IQCH: variants seen among roughly 807,000 people sequenced by gnomAD.
The protein encoded by IQCH is IQ motif containing H, also known as IQ domain-containing protein H.
Under a neutral mutation model 117.0 loss-of-function variants are expected in IQCH, and 98 were observed. The observed-to-expected ratio is 0.84, with a 90% CI of 0.71 to 0.99. IQCH has a LOEUF of 0.99. Among genes scored for constraint, IQCH ranks in the 50% least tolerant of loss-of-function variants. The pLI, the probability that IQCH is intolerant of heterozygous loss-of-function variation, is 0.00. For missense variants in IQCH, 1,102 were observed against 1,243.8 expected, an observed-to-expected ratio of 0.89 and a Z score of 1.72; for synonymous variants, 412 against 448.2, an observed-to-expected ratio of 0.92 and a Z score of 1.02.
Position 67,409,815 on chromosome 15 carries a change from T to C in IQCH, c.2098-7116T>C, listed in dbSNP as rs531865217. Among the ~76,000 whole-genome samples the C allele has an allele frequency of 1.1e-4, 16 of 152,352 alleles. No individual in the cohort carries two copies. In the East Asian group the frequency reaches 2.7e-3, roughly 26 times the overall value. ...GTGTGCCTTGGTAATGTTGGCTGTT[T>C]TACATTATGTTACCTTCTACAGCAG... On this transcript the variant is annotated intron_variant, in intron 14 of 20. Coordinates refer to ENST00000335894, the MANE Select transcript of IQCH (RefSeq NM_001031715.3).
At chr15:67,316,562 A>G (rs1967855264) in intron 4 of IQCH, among the ~76,000 whole-genome samples, 1 of 152,216 alleles carries the variant, frequency 6.6e-6, no homozygotes, top group Non-Finnish European at 1.5e-5. Flanking sequence ...AATATAAATT[A>G]AAATTTAGCT....
At chr15:67,449,485 C>T (rs2082467781) in intron 16 of IQCH, among the ~76,000 whole-genome samples, 1 of 152,128 alleles carries the variant, frequency 6.6e-6, no homozygotes, top group Non-Finnish European at 1.5e-5. Flanking sequence ...ATAGGGAATC[C>T]TTTCCCCATT....
chr15:67,362,849 T>A (rs1275458775), intron 8 of IQCH, among the ~76,000 whole-genome samples: 2 of 152,248 alleles, frequency 1.3e-5, no homozygotes, highest in African/African-American at 2.4e-5. Context: ...AATGTATACT[T>A]TCAAAACCAC....
In IQCH at chr15:67,302,287, G is replaced by A. The variant is rs145203219; in HGVS notation, c.387+22775G>A. 6.8e-4 allele frequency among the ~76,000 whole-genome samples: 103 copies of A among 152,132 alleles called. 4 individuals are homozygous for A. In the East Asian group the frequency reaches 0.012, roughly 17 times the overall value. On this transcript the variant is annotated intron_variant, in intron 4 of 20. Transcript: ENST00000335894. The stretch of plus-strand genomic sequence containing the variant: ...CATATTAGCAATTTCCCAATCCTTG[G>A]TAGAATAGAAATTATTCTGAAAGTT...
intron 4 of IQCH, among the ~76,000 whole-genome samples, chr15:67,290,331 A>G (rs1966709451): frequency 6.6e-6 from 1 of 152,076 alleles, no homozygotes; most frequent in Admixed American, 6.6e-5. Flanking sequence ...CTGCATCTGT[A>G]ATAACTTTTT....
intron 8 of IQCH, among the ~76,000 whole-genome samples, chr15:67,362,031 C>G (rs4496076): frequency 6.6e-6 from 1 of 151,666 alleles, no homozygotes; most frequent in African/African-American, 2.4e-5. Flanking sequence ...TATAGGAGTA[C>G]AGACCAACTT....
At chr15:67,486,038 CTTTTT>C (rs55963427) in intron 18 of IQCH, among the ~76,000 whole-genome samples, 1 of 106,306 alleles carries the variant, frequency 9.4e-6, no homozygotes, top group Non-Finnish European at 1.8e-5. Flanking sequence ...GCTAAGTTTT[CTTTTT>C]TTTTTTTTTT....
chr15:67,444,114 G>A (rs1482649152), intron 16 of IQCH, among the ~76,000 whole-genome samples: 1 of 152,166 alleles, frequency 6.6e-6, no homozygotes, highest in Non-Finnish European at 1.5e-5. Flanking sequence ...CAAAGAAAAC[G>A]TATGTTTCTC....
At chr15:67,452,872 T>C (rs1567201293) in intron 16 of IQCH, among the ~76,000 whole-genome samples, 1 of 152,220 alleles carries the variant, frequency 6.6e-6, no homozygotes, top group African/African-American at 2.4e-5. Context: ...CAATCAGACG[T>C]AGATTTGGTC....
rs1970641951 is a variant in IQCH, at chr15:67,373,718, C to T, written c.1372+285C>T. ...AAATGAACTAAAAAGTTGTATTTTT[C>T]CCCGAAATAACAGATAATGTTTTCG... On this transcript the variant is annotated intron_variant, in intron 10 of 20. Coordinates refer to ENST00000335894, the MANE Select transcript of IQCH (RefSeq NM_001031715.3). 5 of 517,390 alleles carry T rather than the reference C, an allele frequency of 9.7e-6. No homozygotes were observed. The Admixed American group carries it at 1.8e-4, about 18-fold the overall frequency. 32.0% of individuals were successfully genotyped at this position (517,390 alleles called of 1,614,324 possible).
chr15:67,281,007 G>T (rs554307445), intron 4 of IQCH, among the ~76,000 whole-genome samples: 1 of 151,940 alleles, frequency 6.6e-6, no homozygotes, highest in Non-Finnish European at 1.5e-5. Flanking sequence ...CACCACGCCC[G>T]GCTAATTTTT....
At chr15:67,362,194 AGAC>A (rs1275763790) in intron 8 of IQCH, among the ~76,000 whole-genome samples, 1 of 151,854 alleles carries the variant, frequency 6.6e-6, no homozygotes. Flanking sequence ...TTTACAGCAA[AGAC>A]GACAAAAAAT....
chr15:67,339,473 G>A (rs1969044268), intron 5 of IQCH, among the ~76,000 whole-genome samples: 1 of 152,166 alleles, frequency 6.6e-6, no homozygotes, highest in Non-Finnish European at 1.5e-5. Context: ...TTTCCCATGA[G>A]GAGAATTCCC....
intron 5 of IQCH, among the ~76,000 whole-genome samples, chr15:67,338,891 G>A (rs1240347953): frequency 1.3e-5 from 2 of 152,050 alleles, no homozygotes; most frequent in South Asian, 4.1e-4. Flanking sequence ...TAGCCACCTA[G>A]GCCTTCGCTC....
At chr15:67,421,064 A>G in intron 15 of IQCH, 1 of 556,496 alleles carries the variant, frequency 1.8e-6, no homozygotes, top group Non-Finnish European at 3.2e-6. Context: ...GCCCTACAAT[A>G]TACCAAGCGC....
At chr15:67,368,187 C>A (rs531658018) in intron 8 of IQCH, among the ~76,000 whole-genome samples, 36 of 152,246 alleles carry the variant, frequency 2.4e-4, no homozygotes, top group African/African-American at 6.5e-4. Context: ...GGACTTAAGG[C>A]CAAGGCTAAT....
Position 67,406,919 on chromosome 15 carries a change from G to A in IQCH, c.2097+6614G>A, listed in dbSNP as rs1032782978. 4 of 152,168 alleles carry A rather than the reference G, an allele frequency of 2.6e-5. No homozygotes were observed. The highest frequency in any genetic ancestry group is 9.7e-5 in the African/African-American group (4 of 41,434). The allele number at this position is 152,168 out of a possible 1,614,324, so 9.4% of individuals were successfully genotyped here. A position where few individuals can be genotyped will look rare whatever the true frequency, so the allele number is the denominator to read the frequency against. ...TTAAGAAATGCTACCTATTATTATT[G>A]TTGTTATTATTACCATAAAATTGTA... On this transcript the variant is annotated intron_variant, in intron 14 of 20. Coordinates refer to ENST00000335894, the MANE Select transcript of IQCH (RefSeq NM_001031715.3). The surrounding 1 kb of genome is among the most constrained non-coding windows in gnomAD (Gnocchi z 4.5).
intron 4 of IQCH, among the ~76,000 whole-genome samples, chr15:67,313,169 A>G (rs1567087879): frequency 6.6e-6 from 1 of 152,152 alleles, no homozygotes; most frequent in Non-Finnish European, 1.5e-5. Flanking sequence ...TAATCTTCAC[A>G]ATAGCCTGAA....
chr15:67,402,337 G>T (rs1271745958), intron 14 of IQCH, among the ~76,000 whole-genome samples: 2 of 152,184 alleles, frequency 1.3e-5, no homozygotes, highest in African/African-American at 4.8e-5. Flanking sequence ...AAGTAGTTCT[G>T]AAAAGGTGCC....
Sources: gnomAD v4.1 joint callset for allele counts (sites outside exome capture counted in the v4.1 genomes callset) on GRCh38, gnomAD v4.1.1 for gene constraint, Gnocchi (gnomAD v3.1) non-coding constraint, MANE v1.5 for transcripts, NCBI Gene and HGNC (gene_info 2026-07-23, HGNC 2026-07-21) for gene names.